The following SRGAP2 variants were observed in gnomAD, a reference collection of about 807,000 sequenced individuals.
SRGAP2 encodes SLIT-ROBO Rho GTPase activating protein 2.
Under a neutral mutation model 57.2 loss-of-function variants are expected in SRGAP2, and 15 were observed. The ratio of observed to expected loss-of-function variants is 0.26; its 90% CI spans 0.18 to 0.40. The LOEUF (loss-of-function observed/expected upper bound fraction) is 0.40, where lower values mean the gene tolerates loss of function less well. SRGAP2 is among the 10% of genes least tolerant of loss of function. The pLI, the probability that SRGAP2 is intolerant of heterozygous loss-of-function variation, is 1.00. For missense variants in SRGAP2, 520 were observed against 669.6 expected (o/e 0.78, Z 2.47); for synonymous variants, 249 against 248.0 (o/e 1.00, Z -0.04).
chr1:206,307,448 G>A (rs1482027433), intron 3 of SRGAP2, among the ~76,000 whole-genome samples: 19 of 152,342 alleles, frequency 1.2e-4, no homozygotes, highest in Admixed American at 2.0e-4. Context: ...TGCGCTGTGC[G>A]CTCGCATTCC....
intron 2 of SRGAP2, among the ~76,000 whole-genome samples, chr1:206,213,717 C>T (rs1441884597): frequency 5.9e-5 from 9 of 152,122 alleles, no homozygotes; most frequent in Non-Finnish European, 1.0e-4. Flanking sequence ...GTCAGGAGTT[C>T]GAGACCAGCC....
chr1:206,321,061 C>T lies in SRGAP2; in HGVS notation c.260+17588C>T, dbSNP rs1281599477. ...TCTAAAAATGGCCTTTTTTGGCAAACGAAAGTCCAAGATTATGCAATTCAT... is the reference window on the plus strand; with the variant it reads ...TCTAAAAATGGCCTTTTTTGGCAAATGAAAGTCCAAGATTATGCAATTCAT... On this transcript the variant is annotated intron_variant, in intron 3 of 22. Transcript: ENST00000573034. Among the ~76,000 whole-genome samples the T allele has an allele frequency of 1.5e-4, 21 of 144,280 alleles. No individual in the cohort carries two copies. The South Asian group carries it at 3.4e-3, about 24-fold the overall frequency. 94.7% of individuals were successfully genotyped at this position (144,280 alleles called of 152,430 possible).
chr1:206,286,013 CATCTGGATTATGGT>C (rs1671004498), intron 2 of SRGAP2, among the ~76,000 whole-genome samples: 1 of 151,958 alleles, frequency 6.6e-6, no homozygotes, highest in African/African-American at 2.4e-5. Context: ...TGGATTCTGG[CATCTGGATTATGGT>C]AGCAATATTG....
chr1:206,241,952 G>GTT (rs1287459739), intron 2 of SRGAP2, among the ~76,000 whole-genome samples: 15 of 128,596 alleles, frequency 1.2e-4, no homozygotes, highest in Non-Finnish European at 1.6e-4. Flanking sequence ...GTGTGTGTGT[G>GTT]TTTTATCTCC....
At position 206,447,810 on chromosome 1, in the gene SRGAP2, C is replaced by A. The variant is rs1183555043; in HGVS notation, c.2099+1511C>A. On this transcript the variant is annotated intron_variant, in intron 18 of 22. Coordinates refer to ENST00000573034, the MANE Select transcript of SRGAP2 (RefSeq NM_015326.5). ...CCCGGGGCACAGAGACCCCTACAGC[C>A]CTGGCCCCTGAGTCCCAGCCCAGTG... Among the ~76,000 whole-genome samples the A allele has an allele frequency of 2.0e-5, 3 of 152,218 alleles. No individual in the cohort carries two copies. In the East Asian group the frequency reaches 5.8e-4, roughly 29 times the overall value.
intron 4 of SRGAP2, among the ~76,000 whole-genome samples, chr1:206,369,582 A>G (rs1381414434): frequency 6.6e-6 from 1 of 152,380 alleles, no homozygotes; most frequent in African/African-American, 2.4e-5. Context: ...CAGTTTAAAA[A>G]TGGGCAAAAG....
At chr1:206,436,386 T>G (rs1447849033) in intron 14 of SRGAP2, among the ~76,000 whole-genome samples, 1 of 151,924 alleles carries the variant, frequency 6.6e-6, no homozygotes, top group Non-Finnish European at 1.5e-5. Flanking sequence ...GAGTCCACTC[T>G]GTCACCCAGG....
At chr1:206,243,619 T>G (rs1355962524) in intron 2 of SRGAP2, among the ~76,000 whole-genome samples, 2 of 152,294 alleles carry the variant, frequency 1.3e-5, no homozygotes, top group Middle Eastern at 6.8e-3. Context: ...TGTCTCAGAC[T>G]GAGATGGAGG....
chr1:206,318,360 T>C (rs1429844834), intron 3 of SRGAP2, among the ~76,000 whole-genome samples: 1 of 152,156 alleles, frequency 6.6e-6, no homozygotes, highest in Non-Finnish European at 1.5e-5. Context: ...AAGGGTTGGC[T>C]TCTTAGGTGT....
chr1:206,391,698 G>A (rs1656989404), intron 5 of SRGAP2, among the ~76,000 whole-genome samples: 1 of 149,732 alleles, frequency 6.7e-6, no homozygotes, highest in East Asian at 1.9e-4. Flanking sequence ...AAATCTTATG[G>A]CATCACACTT....
At chr1:206,392,156 A>G in intron 5 of SRGAP2, among the ~76,000 whole-genome samples, 1 of 152,024 alleles carries the variant, frequency 6.6e-6, no homozygotes, top group Non-Finnish European at 1.5e-5. Flanking sequence ...ATAAAGCAGA[A>G]CAGACAGATC....
chr1:206,385,972 G>A (rs551029752), intron 5 of SRGAP2, among the ~76,000 whole-genome samples: 70 of 152,286 alleles, frequency 4.6e-4, no homozygotes, highest in African/African-American at 1.6e-3. Flanking sequence ...AGTAGGCAAT[G>A]GAAAGAGGGA....
intron 17 of SRGAP2, among the ~76,000 whole-genome samples, chr1:206,442,462 G>A (rs1662391423): frequency 6.6e-6 from 1 of 152,248 alleles, no homozygotes; most frequent in Non-Finnish European, 1.5e-5. Flanking sequence ...GAGCATGACA[G>A]TGGTGAGCAA....
intron 2 of SRGAP2, among the ~76,000 whole-genome samples, chr1:206,230,120 TC>T (rs1184457043): frequency 6.6e-6 from 1 of 152,250 alleles, no homozygotes; most frequent in Non-Finnish European, 1.5e-5. Context: ...CGTAAACTGA[TC>T]AATTGCCGTG....
intron 18 of SRGAP2, among the ~76,000 whole-genome samples, chr1:206,448,888 G>C (rs1225302212): frequency 1.3e-5 from 2 of 152,148 alleles, no homozygotes; most frequent in African/African-American, 4.8e-5. Context: ...TATTCTTCTA[G>C]AATGTTCTCT....
intron 13 of SRGAP2, among the ~76,000 whole-genome samples, chr1:206,429,519 AC>A (rs782808865): frequency 1.1e-4 from 16 of 152,228 alleles, no homozygotes; most frequent in Non-Finnish European, 2.4e-4. Flanking sequence ...AGGAGAACAT[AC>A]CCCCAGCAGG....
intron 2 of SRGAP2, among the ~76,000 whole-genome samples, chr1:206,243,544 A>C (rs1668366900): frequency 6.6e-6 from 1 of 152,170 alleles, no homozygotes; most frequent in South Asian, 2.1e-4. Context: ...AGTCATAGGG[A>C]AACTCATGAC....
At chr1:206,458,541 A>G (rs1427672768) in intron 21 of SRGAP2, 82 bp from the exon 22 acceptor site, 3 of 680,288 alleles carry the variant, frequency 4.4e-6, no homozygotes, top group South Asian at 3.3e-5. Context: ...CTGGGTGCCA[A>G]CATCTGCCCC....
chr1:206,332,552 A>G lies in SRGAP2; in HGVS notation c.261-10294A>G, dbSNP rs1553332227. ...TAAACTTCCCTTCTCGCTTCCTTTC[A>G]TTCATTTCATCTTCCATTGCTGATA... On this transcript the variant is annotated intron_variant, in intron 3 of 22. Transcript: ENST00000573034. Among the ~76,000 whole-genome samples, 4 of 147,852 alleles carry G rather than the reference A, an allele frequency of 2.7e-5. No homozygotes were observed. In the South Asian group the frequency reaches 8.5e-4, roughly 31 times the overall value.
Sources: allele counts gnomAD v4.1 joint callset (sites outside exome capture counted in the v4.1 genomes callset), GRCh38; gene constraint gnomAD v4.1.1; transcripts MANE v1.5; gene names NCBI Gene and HGNC (gene_info 2026-07-23, HGNC 2026-07-21).